SORCS1: variants seen among roughly 807,000 people sequenced by gnomAD.
SORCS1 encodes the protein sortilin related VPS10 domain containing receptor 1.
SORCS1 carries 60 observed loss-of-function variants against 146.1 expected under a neutral mutation model. The observed-to-expected ratio is 0.41, with a 90% confidence interval of 0.33 to 0.51. The LOEUF is 0.51. SORCS1 is among the 20% of genes least tolerant of loss of function. The pLI is 0.21. For synonymous variants in SORCS1, 637 were observed against 584.0 expected (o/e 1.09, Z -1.31); for missense variants, 1,352 against 1,487.6 (o/e 0.91, Z 1.50).
chr10:106,637,388 A>T (rs1218183028), intron 18 of SORCS1, among the ~76,000 whole-genome samples: 1 of 152,156 alleles, frequency 6.6e-6, no homozygotes. Flanking sequence ...CACTTTCAAA[A>T]CTGAGCTCTG....
chr10:106,859,265 T>C (rs901293639), intron 2 of SORCS1, among the ~76,000 whole-genome samples: 2 of 152,254 alleles, frequency 1.3e-5, no homozygotes, highest in African/African-American at 2.4e-5. Context: ...TGTATCGTTG[T>C]TGTCAATGCT....
At chr10:106,632,912 T>C (rs2133602518) in intron 18 of SORCS1, among the ~76,000 whole-genome samples, 1 of 151,892 alleles carries the variant, frequency 6.6e-6, no homozygotes, top group Admixed American at 6.6e-5. Context: ...ATGGAGGAGA[T>C]GAATGAGTGA....
At chr10:106,746,603 G>T (rs2136145963) in intron 5 of SORCS1, among the ~76,000 whole-genome samples, 1 of 152,182 alleles carries the variant, frequency 6.6e-6, no homozygotes, top group East Asian at 1.9e-4. Flanking sequence ...TTTCAAAAAA[G>T]TGTTAAGGTT....
intron 4 of SORCS1, among the ~76,000 whole-genome samples, chr10:106,764,726 T>C (rs2067995290): frequency 6.6e-6 from 1 of 152,072 alleles, no homozygotes; most frequent in Admixed American, 6.5e-5. Flanking sequence ...GTCATGAACT[T>C]AAAAATGCCA....
intron 23 of SORCS1, among the ~76,000 whole-genome samples, chr10:106,605,817 C>A (rs1436458352): frequency 1.3e-5 from 2 of 152,110 alleles, no homozygotes; most frequent in African/African-American, 4.8e-5. Context: ...TACAGGGGAG[C>A]CTTCTGCCAA....
chr10:106,655,936 G>T (rs1564823838), intron 17 of SORCS1, among the ~76,000 whole-genome samples: 1 of 152,136 alleles, frequency 6.6e-6, no homozygotes, highest in East Asian at 1.9e-4. Flanking sequence ...GTAATAACAA[G>T]GCAACTTATG....
intron 1 of SORCS1, among the ~76,000 whole-genome samples, chr10:107,121,887 A>G (rs1199029641): frequency 3.9e-5 from 6 of 152,208 alleles, no homozygotes; most frequent in Non-Finnish European, 8.8e-5. Context: ...CAATATTTTT[A>G]TCTCCATTTT....
chr10:106,673,582 C>T (rs1370624907), intron 14 of SORCS1, among the ~76,000 whole-genome samples: 1 of 152,146 alleles, frequency 6.6e-6, no homozygotes, highest in East Asian at 1.9e-4. Context: ...CATATTGTGC[C>T]ACAGGATTGG....
At chr10:107,029,857 G>C (rs1015685360) in intron 1 of SORCS1, among the ~76,000 whole-genome samples, 1 of 152,148 alleles carries the variant, frequency 6.6e-6, no homozygotes, top group Non-Finnish European at 1.5e-5. Context: ...ACTTACTAGT[G>C]TTGAAAACAT....
At chr10:106,792,768 G>A (rs1296003369) in intron 3 of SORCS1, among the ~76,000 whole-genome samples, 1 of 152,140 alleles carries the variant, frequency 6.6e-6, no homozygotes, top group Non-Finnish European at 1.5e-5. Flanking sequence ...CAATTCATAA[G>A]TGATACACTA....
At chr10:106,776,455 A>C in intron 4 of SORCS1, 79 bp downstream of exon 4, 1 of 1,553,158 alleles carries the variant, frequency 6.4e-7, no homozygotes, top group Non-Finnish European at 8.8e-7. Context: ...ACTGAGGTGA[A>C]ATGGAGAGAT....
chr10:107,179,076 A>G, the SORCS1 span, among the ~76,000 whole-genome samples: 1 of 152,158 alleles, frequency 6.6e-6, no homozygotes, highest in South Asian at 2.1e-4. Flanking sequence ...TTTACATCCC[A>G]CCTACAGCCT....
chr10:107,079,972 T>C (rs1284258863), intron 1 of SORCS1, among the ~76,000 whole-genome samples: 1 of 152,222 alleles, frequency 6.6e-6, no homozygotes, highest in African/African-American at 2.4e-5. Context: ...AGCTTTCAAA[T>C]TGTAACATAA....
At chr10:106,705,309 C>T (rs1342040290) in intron 8 of SORCS1, among the ~76,000 whole-genome samples, 1 of 152,270 alleles carries the variant, frequency 6.6e-6, no homozygotes, top group East Asian at 1.9e-4. Flanking sequence ...GGCTTACATC[C>T]CACCTTTCAC....
At chr10:106,871,804 A>G (rs1197180883) in intron 2 of SORCS1, among the ~76,000 whole-genome samples, 1 of 152,230 alleles carries the variant, frequency 6.6e-6, no homozygotes, top group African/African-American at 2.4e-5. Flanking sequence ...TTGGCTTAAT[A>G]TCTGGGTGAT....
chr10:107,017,020 T>A (rs983770267), intron 1 of SORCS1, among the ~76,000 whole-genome samples: 7 of 152,194 alleles, frequency 4.6e-5, no homozygotes, highest in African/African-American at 7.2e-5. Flanking sequence ...ATTGACTTGG[T>A]GAAATGTGGA....
the SORCS1 span, among the ~76,000 whole-genome samples, chr10:107,170,307 A>T: frequency 6.6e-6 from 1 of 152,214 alleles, no homozygotes; most frequent in African/African-American, 2.4e-5. Context: ...AGGAAAAATA[A>T]ACTCAGTTTA....
At chr10:106,933,336 G>A (rs1338776078) in intron 2 of SORCS1, among the ~76,000 whole-genome samples, 3 of 152,138 alleles carry the variant, frequency 2.0e-5, no homozygotes, top group African/African-American at 7.2e-5. Context: ...AATTGGTCTT[G>A]GGTGGGGCCA....
chr10:106,957,640 T>C (rs1407285755), intron 1 of SORCS1, among the ~76,000 whole-genome samples: 1 of 152,056 alleles, frequency 6.6e-6, no homozygotes, highest in African/African-American at 2.4e-5. Flanking sequence ...TCCAGATAAT[T>C]ACCGTGTAAT....
Sources: gnomAD v4.1 joint callset for allele counts (sites outside exome capture counted in the v4.1 genomes callset) on GRCh38, gnomAD v4.1.1 for gene constraint, MANE v1.5 for transcripts, NCBI Gene and HGNC (gene_info 2026-07-23, HGNC 2026-07-21) for gene names.